PRICKLE2: variants seen among roughly 807,000 people sequenced by gnomAD.
PRICKLE2 encodes prickle planar cell polarity protein 2, also known as prickle-like protein 2.
Under a neutral mutation model 81.4 loss-of-function variants are expected in PRICKLE2, and 21 were observed. That is an observed-to-expected ratio of 0.26 (90% CI 0.18 to 0.37). The LOEUF is 0.37. Among genes scored for constraint, PRICKLE2 ranks in the 10% least tolerant of loss-of-function variants. The probability of loss-of-function intolerance (pLI) is 1.00; values close to 1 mark genes in which losing one functional copy is unlikely to be tolerated. For missense variants in PRICKLE2, 940 were observed against 1,109.0 expected, an observed-to-expected ratio of 0.85 and a Z score of 2.16; for synonymous variants, 456 against 421.5, an observed-to-expected ratio of 1.08 and a Z score of -1.00.
chr3:64,199,007 AC>A (rs749373517), intron 1 of PRICKLE2, 40 bp from the exon 2 acceptor site: 122 of 1,591,096 alleles, frequency 7.7e-5, no homozygotes, highest in Non-Finnish European at 9.4e-5. Context: ...AGAGGAAAAA[AC>A]CTTTTTTTTT....
At chr3:64,227,240 C>A (rs1036483606), upstream of PRICKLE2, among the ~76,000 whole-genome samples, 1 of 152,162 alleles carries the variant, frequency 6.6e-6, no homozygotes, top group Admixed American at 6.5e-5. Flanking sequence ...GTTTCCATCA[C>A]ACAGAACTCA....
intron 1 of PRICKLE2, among the ~76,000 whole-genome samples, chr3:64,223,774 C>A (rs1033130378): frequency 1.3e-5 from 2 of 152,206 alleles, no homozygotes; most frequent in African/African-American, 4.8e-5. Flanking sequence ...GGACCCTCAT[C>A]CTGACCCATC....
Position 64,212,616 on chromosome 3 carries a change from A to G in PRICKLE2, c.-41+12294T>C, listed in dbSNP as rs147783631. 4.2e-3 allele frequency among the ~76,000 whole-genome samples: 642 copies of G among 152,338 alleles called. 5 individuals are homozygous for G. The highest frequency in any genetic ancestry group is 0.033 in the South Asian group (160 of 4,826). On this transcript the variant is annotated intron_variant, in intron 1 of 7. Coordinates refer to ENST00000638394, the MANE Select transcript of PRICKLE2 (RefSeq NM_198859.4). ...GGCATAAAATATTCCCTAAGTACTT[A>G]AAGGCAGTATACCACAGTGGGTTAG...
chr3:64,263,022 C>G (rs10510914), intron 2 of PRICKLE2, among the ~76,000 whole-genome samples: 65,085 of 151,960 alleles, frequency 0.43, 14,389 homozygotes, highest in South Asian at 0.49. Flanking sequence ...CAACATCAAG[C>G]CTCAATGGGT....
chr3:64,154,976 C>T (rs2077606288), intron 5 of PRICKLE2: 1 of 151,564 alleles, frequency 6.6e-6, no homozygotes, highest in Non-Finnish European at 1.5e-5. Flanking sequence ...TGGTGAAACG[C>T]CATCTCTACT....
chr3:64,165,885 A>G (rs1298130269), intron 2 of PRICKLE2, among the ~76,000 whole-genome samples: 2 of 152,112 alleles, frequency 1.3e-5, no homozygotes, highest in Non-Finnish European at 2.9e-5. Flanking sequence ...TAGTCAAAGC[A>G]AGAAAAATAC....
At chr3:64,178,332 T>C (rs959347905) in intron 2 of PRICKLE2, among the ~76,000 whole-genome samples, 8 of 152,196 alleles carry the variant, frequency 5.3e-5, no homozygotes, top group Admixed American at 3.9e-4. Context: ...TGTATCCTCC[T>C]ATAGGTAGGC....
intron 5 of PRICKLE2, 101 bp from the exon 6 acceptor site, chr3:64,153,469 C>T: frequency 9.2e-7 from 1 of 1,088,342 alleles, no homozygotes; most frequent in Non-Finnish European, 1.4e-6. Flanking sequence ...GGTAAGAAAG[C>T]AGATCCTACT....
chr3:64,205,145 G>C (rs891624207), intron 1 of PRICKLE2, among the ~76,000 whole-genome samples: 4 of 149,324 alleles, frequency 2.7e-5, no homozygotes, highest in Admixed American at 1.3e-4. Flanking sequence ...GCTTCATTCT[G>C]TCAGAGTTGA....
intron 2 of PRICKLE2, among the ~76,000 whole-genome samples, chr3:64,166,312 C>T (rs1003687345): frequency 1.3e-5 from 2 of 152,122 alleles, no homozygotes; most frequent in African/African-American, 4.8e-5. Context: ...TCTTGGGCAG[C>T]GTCCACACCC....
intron 1 of PRICKLE2, among the ~76,000 whole-genome samples, chr3:64,221,420 T>TAC (rs71808412): frequency 0.15 from 22,082 of 143,756 alleles, 1,603 homozygotes; most frequent in East Asian, 0.18. Flanking sequence ...GCTTGATTCA[T>TAC]ACACACACAC....
At chr3:64,216,670 T>C (rs145031503) in intron 1 of PRICKLE2, among the ~76,000 whole-genome samples, 146 of 152,336 alleles carry the variant, frequency 9.6e-4, no homozygotes, top group Admixed American at 1.8e-3. Context: ...GCAGCCAAAC[T>C]GACACAGTGA....
At chr3:64,230,318 C>A (rs976245787), upstream of PRICKLE2, among the ~76,000 whole-genome samples, 6 of 152,160 alleles carry the variant, frequency 3.9e-5, no homozygotes, top group Admixed American at 3.3e-4. Context: ...ACACATAATG[C>A]CTTTAAACAA....
In PRICKLE2 at chr3:64,178,453, T is replaced by C. The variant is rs150351386; in HGVS notation, c.145-15324A>G. ...GGCAGTGAAAAGCTTTTTTCCTGGA[T>C]ATGATACATGTGACTTCTGTTCAGG... On this transcript the variant is annotated intron_variant, in intron 2 of 7. Transcript: ENST00000638394. Among the ~76,000 whole-genome samples, 8 of 152,318 alleles carry C rather than the reference T, an allele frequency of 5.3e-5. No homozygotes were observed. The East Asian group carries it at 1.2e-3, about 22-fold the overall frequency.
chr3:64,254,203 G>C (rs1286575231), intron 2 of PRICKLE2, among the ~76,000 whole-genome samples: 3 of 152,158 alleles, frequency 2.0e-5, no homozygotes, highest in African/African-American at 7.2e-5. Context: ...TTAAGCCAGA[G>C]CCTCATTACT....
intron 7 of PRICKLE2, among the ~76,000 whole-genome samples, chr3:64,111,125 T>C (rs2076839453): frequency 6.6e-6 from 1 of 152,164 alleles, no homozygotes; most frequent in Non-Finnish European, 1.5e-5. Context: ...CTGGACTCTT[T>C]TGTGCTCAGT....
intron 7 of PRICKLE2, among the ~76,000 whole-genome samples, chr3:64,133,009 A>C (rs1003850865): frequency 1.3e-5 from 2 of 152,186 alleles, no homozygotes; most frequent in African/African-American, 4.8e-5. Context: ...GAACCCACTA[A>C]GAGGATTCAA....
In PRICKLE2 at chr3:64,258,893, G is replaced by GAAAGAAAGAAATAAATAAAT. The variant is rs796940955; in HGVS notation, c.129-59927_129-59926insATTTATTTATTTCTTTCTTT. Among the ~76,000 whole-genome samples the GAAAGAAAGAAATAAATAAAT allele has an allele frequency of 1.0e-3, 147 of 140,908 alleles. 4 individuals are homozygous for GAAAGAAAGAAATAAATAAAT. The highest frequency in any genetic ancestry group is 4.1e-3 in the African/African-American group (146 of 35,872). 92.4% of individuals were successfully genotyped at this position (140,908 alleles called of 152,430 possible). A position where few individuals can be genotyped will look rare whatever the true frequency, so the allele number is the denominator to read the frequency against. On this transcript the variant is annotated intron_variant, in intron 2 of 8. Transcript: ENST00000295902. ...AGAAAGAAAGAAAGAAAGAAAGAAAGAAATCAGGAGAGTGGTTAGAATTAA... is the reference window on the plus strand; with the variant it reads ...AGAAAGAAAGAAAGAAAGAAAGAAAGAAAGAAAGAAATAAATAAATAAATCAGGAGAGTGGTTAGAATTAA...
upstream of PRICKLE2, among the ~76,000 whole-genome samples, chr3:64,226,542 G>A (rs1317202561): frequency 6.6e-6 from 1 of 152,194 alleles, no homozygotes; most frequent in Admixed American, 6.5e-5. Flanking sequence ...CACAGTCTCT[G>A]CTTTCAAGGG....
Sources: gnomAD v4.1 joint callset for allele counts (sites outside exome capture counted in the v4.1 genomes callset) on GRCh38, gnomAD v4.1.1 for gene constraint, MANE v1.5 for transcripts, NCBI Gene and HGNC (gene_info 2026-07-23, HGNC 2026-07-21) for gene names.